Variants in RIN2 observed in about 807,000 individuals in gnomAD.
The protein encoded by RIN2 is Ras and Rab interactor 2.
A neutral mutation model predicts 78.0 loss-of-function variants in RIN2; 36 were observed. That is an observed-to-expected ratio of 0.46 (90% CI 0.35 to 0.61). The LOEUF is 0.61. Among genes scored for constraint, RIN2 ranks in the 20% least tolerant of loss-of-function variants. The pLI is 0.00. For missense variants in RIN2, 1,087 were observed against 1,159.7 expected, an observed-to-expected ratio of 0.94 and a Z score of 0.91; for synonymous variants, 466 against 466.8, an observed-to-expected ratio of 1.00 and a Z score of 0.02.
intron 1 of RIN2, among the ~76,000 whole-genome samples, chr20:19,796,125 G>A (rs1214081551): frequency 6.6e-6 from 1 of 152,114 alleles, no homozygotes; most frequent in Non-Finnish European, 1.5e-5. Flanking sequence ...TTAGGGCAAA[G>A]TGTAACACAC....
intron 2 of RIN2, chr20:19,889,021 A>G: frequency 1.8e-6 from 1 of 569,390 alleles, no homozygotes; most frequent in Non-Finnish European, 2.2e-6. Flanking sequence ...CCCTGTAAAC[A>G]GTGACAGGAT....
At chr20:19,942,534 C>T (rs949360795) in intron 4 of RIN2, among the ~76,000 whole-genome samples, 3 of 152,074 alleles carry the variant, frequency 2.0e-5, no homozygotes, top group Admixed American at 1.3e-4. Flanking sequence ...ATAAACAACA[C>T]CCTGACCCCG....
At chr20:19,911,346 GCCT>G (rs2039458039) in intron 3 of RIN2, among the ~76,000 whole-genome samples, 3 of 152,124 alleles carry the variant, frequency 2.0e-5, no homozygotes, top group African/African-American at 7.2e-5. Context: ...GAGCCACCGC[GCCT>G]GGCCCAAATA....
At chr20:19,875,511 C>T (rs1321847256) in intron 2 of RIN2, among the ~76,000 whole-genome samples, 1 of 152,120 alleles carries the variant, frequency 6.6e-6, no homozygotes, top group East Asian at 1.9e-4. Context: ...TGTGGTATTG[C>T]ACACCTGTAG....
chr20:19,967,696 C>G (rs2146288558), intron 7 of RIN2, among the ~76,000 whole-genome samples: 1 of 152,278 alleles, frequency 6.6e-6, no homozygotes, highest in South Asian at 2.1e-4. Context: ...GTACTAGAGT[C>G]ATTTGGAGTC....
At chr20:19,897,103 T>TTTG (rs1273479595) in intron 3 of RIN2, among the ~76,000 whole-genome samples, 7 of 152,050 alleles carry the variant, frequency 4.6e-5, no homozygotes, top group Non-Finnish European at 8.8e-5. Context: ...CCAGCTACAT[T>TTTG]TTGTTGTTGT....
chr20:19,779,277 C>A (rs2034415393), intron 1 of RIN2, among the ~76,000 whole-genome samples: 1 of 151,874 alleles, frequency 6.6e-6, no homozygotes, highest in South Asian at 2.1e-4. Flanking sequence ...CAAAGTGATA[C>A]CAGGCATTCA....
chr20:19,780,927 G>C (rs999287940), intron 1 of RIN2, among the ~76,000 whole-genome samples: 5 of 152,146 alleles, frequency 3.3e-5, no homozygotes, highest in African/African-American at 1.2e-4. Context: ...TTGAAGAATA[G>C]GAAGGAAGTT....
At chr20:19,973,767 C>T (rs909238754) in intron 8 of RIN2, among the ~76,000 whole-genome samples, 3 of 151,010 alleles carry the variant, frequency 2.0e-5, no homozygotes, top group African/African-American at 4.9e-5. Flanking sequence ...CCAGCCTGGG[C>T]GACAGAGCAA....
chr20:19,864,889 A>AT (rs1213629142), intron 2 of RIN2, among the ~76,000 whole-genome samples: 2 of 152,296 alleles, frequency 1.3e-5, no homozygotes, highest in Non-Finnish European at 2.9e-5. Context: ...ATTTTGGACC[A>AT]TTTTTTTAAG....
chr20:19,979,966 C>T (rs907480853), intron 9 of RIN2, among the ~76,000 whole-genome samples: 3 of 146,456 alleles, frequency 2.0e-5, no homozygotes, highest in African/African-American at 5.0e-5. Flanking sequence ...ATCACTTGAA[C>T]CCGGGAGGCG....
chr20:19,970,153 G>C (rs1289537648), intron 7 of RIN2, among the ~76,000 whole-genome samples: 1 of 152,212 alleles, frequency 6.6e-6, no homozygotes. Context: ...TCAAAGCCTG[G>C]TCCAGGGTCC....
At chr20:19,960,675 C>A in intron 5 of RIN2, 25 bp from the exon 6 acceptor site, 1 of 1,485,656 alleles carries the variant, frequency 6.7e-7, no homozygotes, top group Non-Finnish European at 9.2e-7. Flanking sequence ...TTTCCTAAAG[C>A]TTGTATTTCT....
At chr20:19,797,637 T>G (rs1489740779) in intron 1 of RIN2, among the ~76,000 whole-genome samples, 1 of 152,180 alleles carries the variant, frequency 6.6e-6, no homozygotes, top group East Asian at 1.9e-4. Context: ...TAATGTTTAT[T>G]GGGATGATTT....
intron 2 of RIN2, among the ~76,000 whole-genome samples, chr20:19,859,429 G>T (rs1207726623): frequency 6.6e-6 from 1 of 152,184 alleles, no homozygotes; most frequent in African/African-American, 2.4e-5. Context: ...ATAGGATACT[G>T]TGCATAAAAT....
intron 2 of RIN2, among the ~76,000 whole-genome samples, chr20:19,825,530 G>A (rs534985197): frequency 3.3e-5 from 5 of 152,286 alleles, no homozygotes; most frequent in South Asian, 2.1e-4. Flanking sequence ...CCAGGTTCCT[G>A]TTCTCTCACT....
intron 2 of RIN2, among the ~76,000 whole-genome samples, chr20:19,869,949 A>G (rs1465325108): frequency 2.6e-5 from 4 of 152,086 alleles, no homozygotes; most frequent in East Asian, 3.9e-4. Flanking sequence ...CACGGGGCCA[A>G]GTTATTTTGA....
chr20:19,950,536 T>A (rs2041270644), intron 4 of RIN2, among the ~76,000 whole-genome samples: 1 of 152,222 alleles, frequency 6.6e-6, no homozygotes, highest in South Asian at 2.1e-4. Flanking sequence ...TCTCCCTATT[T>A]TTTTTCTTTT....
chr20:19,857,244 C>T (rs939558072), intron 2 of RIN2, among the ~76,000 whole-genome samples: 1 of 152,160 alleles, frequency 6.6e-6, no homozygotes, highest in Non-Finnish European at 1.5e-5. Flanking sequence ...ACCTTTGTGA[C>T]TGGCCTCTTT....
Sources: allele counts gnomAD v4.1 joint callset (sites outside exome capture counted in the v4.1 genomes callset), GRCh38; gene constraint gnomAD v4.1.1; transcripts MANE v1.5; gene names NCBI Gene and HGNC (gene_info 2026-07-23, HGNC 2026-07-21).